PIP4K2A: variants seen among roughly 807,000 people sequenced by gnomAD.
The protein encoded by PIP4K2A is phosphatidylinositol 5-phosphate 4-kinase type-2 alpha.
A neutral mutation model predicts 42.9 loss-of-function variants in PIP4K2A; 14 were observed. The ratio of observed to expected loss-of-function variants is 0.33; its 90% CI spans 0.22 to 0.51. The LOEUF (loss-of-function observed/expected upper bound fraction) is 0.51. Ranked by LOEUF, PIP4K2A falls within the 20% of genes least tolerant of loss-of-function variation. The probability of loss-of-function intolerance (pLI) is 0.97; values close to 1 mark genes in which losing one functional copy is unlikely to be tolerated. For missense variants in PIP4K2A, 434 were observed against 519.8 expected, an observed-to-expected ratio of 0.83 and a Z score of 1.61; for synonymous variants, 192 against 192.2, an observed-to-expected ratio of 1.00 and a Z score of 0.01.
chr10:22,551,895 G>A (rs1032675953), intron 6 of PIP4K2A, among the ~76,000 whole-genome samples: 3 of 152,090 alleles, frequency 2.0e-5, no homozygotes, highest in African/African-American at 7.2e-5. Flanking sequence ...TCACATGCTC[G>A]AACTGTTCAC....
At chr10:22,663,541 T>C (rs1157496101) in intron 1 of PIP4K2A, among the ~76,000 whole-genome samples, 2 of 152,172 alleles carry the variant, frequency 1.3e-5, no homozygotes, top group Non-Finnish European at 1.5e-5. Flanking sequence ...GACAAATGTA[T>C]GTAGGTAGCA....
At chr10:22,707,061 T>C (rs572928805) in intron 1 of PIP4K2A, among the ~76,000 whole-genome samples, 5 of 152,014 alleles carry the variant, frequency 3.3e-5, no homozygotes, top group African/African-American at 4.8e-5. Context: ...GGTGAGAGGA[T>C]TGCTTGAGGT....
chr10:22,536,942 C>A lies in PIP4K2A; in HGVS notation c.*259G>T. ...TAATTTATGACTTTTAAAATGCACA[C>A]GCGCGCACACACTCACCCCCCCCCA... is the stretch of plus-strand genomic sequence containing the variant. On this transcript the variant is annotated 3_prime_UTR_variant, in exon 10 of 10. Coordinates refer to ENST00000376573, the MANE Select transcript of PIP4K2A (RefSeq NM_005028.5). 2.5e-6 allele frequency: 1 copy of A among 408,108 alleles called. No individual in the cohort carries two copies. The highest frequency in any genetic ancestry group is 4.1e-6 in the Non-Finnish European group (1 of 244,800). 25.3% of individuals were successfully genotyped at this position (408,108 alleles called of 1,614,324 possible).
intron 1 of PIP4K2A, among the ~76,000 whole-genome samples, chr10:22,686,834 T>A (rs1309030859): frequency 2.0e-5 from 3 of 152,188 alleles, no homozygotes; most frequent in Non-Finnish European, 4.4e-5. Context: ...CATTTCAACA[T>A]TTTAAATTTC....
chr10:22,596,137 G>A (rs758420696), intron 3 of PIP4K2A, among the ~76,000 whole-genome samples: 25 of 145,428 alleles, frequency 1.7e-4, no homozygotes, highest in Non-Finnish European at 2.7e-4. Flanking sequence ...CCTGGGAGGC[G>A]GAGGCTGCAG....
intron 1 of PIP4K2A, among the ~76,000 whole-genome samples, chr10:22,648,678 C>A (rs17525760): frequency 0.08 from 12,183 of 152,128 alleles, 650 homozygotes; most frequent in Middle Eastern, 0.2. Context: ...AAAAAAATTC[C>A]CTGGCTCTTG....
intron 1 of PIP4K2A, among the ~76,000 whole-genome samples, chr10:22,635,774 G>T (rs1246871384): frequency 6.6e-6 from 1 of 152,200 alleles, no homozygotes; most frequent in East Asian, 1.9e-4. Context: ...ATGAGGACTG[G>T]AGGCCAGAAT....
chr10:22,651,298 C>G (rs2130812334), intron 1 of PIP4K2A, among the ~76,000 whole-genome samples: 1 of 152,308 alleles, frequency 6.6e-6, no homozygotes, highest in Middle Eastern at 3.4e-3. Flanking sequence ...TGTTTAAAAG[C>G]ACTCATCTGC....
intron 6 of PIP4K2A, among the ~76,000 whole-genome samples, chr10:22,557,445 G>A (rs1289699968): frequency 6.6e-6 from 1 of 152,172 alleles, no homozygotes; most frequent in Non-Finnish European, 1.5e-5. Context: ...TACCAAAAGA[G>A]TTAAATGCTT....
At chr10:22,661,396 G>A (rs1045464756) in intron 1 of PIP4K2A, among the ~76,000 whole-genome samples, 2 of 131,906 alleles carry the variant, frequency 1.5e-5, no homozygotes, top group African/African-American at 2.9e-5. Context: ...TTGTTCTGTC[G>A]CTCGGGCTGG....
At chr10:22,691,804 A>G (rs1316695345) in intron 1 of PIP4K2A, 1 of 152,226 alleles carries the variant, frequency 6.6e-6, no homozygotes, top group Non-Finnish European at 1.5e-5. Context: ...AAGCCTTCTT[A>G]AAAATATGTT....
chr10:22,608,097 C>G, intron 2 of PIP4K2A, 74 bp from the exon 3 acceptor site: 1 of 958,942 alleles, frequency 1.0e-6, no homozygotes, highest in Non-Finnish European at 1.7e-6. Context: ...CTGAGTTCCA[C>G]AGGTAGCCAA....
chr10:22,672,215 T>C (rs1839467516), intron 1 of PIP4K2A, among the ~76,000 whole-genome samples: 1 of 151,250 alleles, frequency 6.6e-6, no homozygotes, highest in Non-Finnish European at 1.5e-5. Context: ...ATGAATAATA[T>C]ATCAGCATCA....
chr10:22,549,580 G>A (rs1319825560), intron 7 of PIP4K2A, among the ~76,000 whole-genome samples: 1 of 151,680 alleles, frequency 6.6e-6, no homozygotes, highest in Non-Finnish European at 1.5e-5. Flanking sequence ...GGTGGCTGAC[G>A]CCTGTAATCC....
intron 7 of PIP4K2A, among the ~76,000 whole-genome samples, chr10:22,549,579 C>CGTCA (rs1836347348): frequency 6.6e-6 from 1 of 151,740 alleles, no homozygotes; most frequent in Admixed American, 6.6e-5. Flanking sequence ...TGGTGGCTGA[C>CGTCA]GCCTGTAATC....
At chr10:22,558,817 G>A (rs1011045097) in intron 6 of PIP4K2A, among the ~76,000 whole-genome samples, 1 of 152,224 alleles carries the variant, frequency 6.6e-6, no homozygotes, top group South Asian at 2.1e-4. Context: ...AAACAGTGCT[G>A]TAAGTAAGCC....
At position 22,684,439 on chromosome 10, in the gene PIP4K2A, AAT is replaced by A. The variant is rs200750751; in HGVS notation, c.144+29742_144+29743del. On this transcript the variant is annotated intron_variant, in intron 1 of 9. Transcript: ENST00000376573. ...TTCCTTCTGCCAAAAGCTAACACACAATGTGTTTTATCATTATTCTTTGTAAT... is the reference window on the plus strand; with the variant it reads ...TTCCTTCTGCCAAAAGCTAACACACAGTGTTTTATCATTATTCTTTGTAAT... Among the ~76,000 whole-genome samples the A allele has an allele frequency of 3.0e-4, 45 of 152,274 alleles. 1 individual carries two copies. In the East Asian group the frequency reaches 7.5e-3, roughly 25 times the overall value.
chr10:22,608,447 C>T (rs967102633), intron 2 of PIP4K2A, among the ~76,000 whole-genome samples: 21 of 152,314 alleles, frequency 1.4e-4, no homozygotes, highest in Admixed American at 1.1e-3. Context: ...CCCTAAAAGG[C>T]CTGTTTTATA....
At chr10:22,665,000 AC>A (rs140635246) in intron 1 of PIP4K2A, among the ~76,000 whole-genome samples, 19,812 of 152,206 alleles carry the variant, frequency 0.13, 1,522 homozygotes, top group Middle Eastern at 0.22. Flanking sequence ...AAGGAAAAAA[AC>A]ATAACATTAT....
Sources: allele counts gnomAD v4.1 joint callset (sites outside exome capture counted in the v4.1 genomes callset), GRCh38; gene constraint gnomAD v4.1.1; transcripts MANE v1.5; gene names NCBI Gene and HGNC (gene_info 2026-07-23, HGNC 2026-07-21).